FHIT: variants seen among roughly 807,000 people sequenced by gnomAD.
FHIT encodes bis(5'-adenosyl)-triphosphatase.
In FHIT, 19 loss-of-function variants were observed where a neutral mutation model predicts 17.9. That is an observed-to-expected ratio of 1.06 (90% confidence interval 0.74 to 1.56). The LOEUF (loss-of-function observed/expected upper bound fraction) is 1.56, where lower values mean the gene tolerates loss of function less well. Ranked by LOEUF, FHIT falls within the 40% of genes most tolerant of loss-of-function variation. The pLI is 0.00. For missense variants in FHIT, 248 were observed against 189.2 expected, an observed-to-expected ratio of 1.31 and a Z score of -1.82; for synonymous variants, 81 against 69.7, an observed-to-expected ratio of 1.16 and a Z score of -0.81.
intron 5 of FHIT, among the ~76,000 whole-genome samples, chr3:60,266,194 C>T (rs1220628963): frequency 6.6e-6 from 1 of 151,764 alleles, no homozygotes; most frequent in Non-Finnish European, 1.5e-5. Flanking sequence ...GTGGTACACG[C>T]ATACAATGGA....
chr3:60,660,727 C>CTTTTTTTTTTTTTTTT (rs1220817643), intron 4 of FHIT, among the ~76,000 whole-genome samples: 17 of 16,748 alleles, frequency 1.0e-3, no homozygotes, highest in African/African-American at 1.2e-3. Context: ...TTTTATTGTG[C>CTTTTTTTTTTTTTTTT]TCTTTTTTTT....
At chr3:59,879,673 TAA>T (rs1374464117) in intron 8 of FHIT, among the ~76,000 whole-genome samples, 1 of 151,802 alleles carries the variant, frequency 6.6e-6, no homozygotes, top group Non-Finnish European at 1.5e-5. Context: ...AAATGAAAAA[TAA>T]AGTTAATAAC....
intron 4 of FHIT, among the ~76,000 whole-genome samples, chr3:60,623,110 C>T (rs1559591499): frequency 6.6e-6 from 1 of 152,160 alleles, no homozygotes; most frequent in Admixed American, 6.5e-5. Flanking sequence ...GTGCCTAGTG[C>T]GGGACCTGGC....
At chr3:59,865,041 G>A (rs150684464) in intron 8 of FHIT, among the ~76,000 whole-genome samples, 70 of 152,078 alleles carry the variant, frequency 4.6e-4, no homozygotes, top group African/African-American at 1.7e-3. Context: ...GCCCATTTCT[G>A]ACTCCTCCAC....
At chr3:60,754,342 G>A (rs535787650) in intron 4 of FHIT, among the ~76,000 whole-genome samples, 24 of 152,174 alleles carry the variant, frequency 1.6e-4, no homozygotes, top group Non-Finnish European at 2.8e-4. Context: ...CATCTTAAGC[G>A]TGATATCAAC....
intron 3 of FHIT, among the ~76,000 whole-genome samples, chr3:60,916,117 A>T (rs1376085543): frequency 2.0e-5 from 3 of 152,230 alleles, no homozygotes; most frequent in African/African-American, 7.2e-5. Context: ...TACAAAGATT[A>T]TAAAGTATAG....
chr3:61,090,552 T>C lies in FHIT; in HGVS notation c.-163-48453A>G, dbSNP rs116258415. On this transcript the variant is annotated intron_variant, in intron 2 of 9. Transcript: ENST00000492590. ...TTATCCAAATTCACCACGGAGTCAA[T>C]GGGCCAAATTCCAAATGCCATGGGC... 4.5e-3 allele frequency among the ~76,000 whole-genome samples: 688 copies of C among 152,286 alleles called. 6 individuals carry two copies. Among genetic ancestry groups the C allele is most frequent in the African/African-American group, 0.016 (658 of 41,556 alleles).
At chr3:60,115,233 G>A (rs1348850897) in intron 5 of FHIT, among the ~76,000 whole-genome samples, 1 of 152,038 alleles carries the variant, frequency 6.6e-6, no homozygotes, top group Non-Finnish European at 1.5e-5. Flanking sequence ...AAAATGAAGT[G>A]AAAGAATAGG....
At chr3:60,124,218 T>G (rs773291197) in intron 5 of FHIT, among the ~76,000 whole-genome samples, 53 of 151,022 alleles carry the variant, frequency 3.5e-4, no homozygotes, top group Non-Finnish European at 1.5e-5. Flanking sequence ...GCACCTGGCC[T>G]ACATTTTTTT....
intron 5 of FHIT, among the ~76,000 whole-genome samples, chr3:60,312,580 G>T (rs1435194625): frequency 6.6e-6 from 1 of 152,166 alleles, no homozygotes; most frequent in Non-Finnish European, 1.5e-5. Context: ...AGGTTGAAAT[G>T]CAGCTTCTGA....
intron 3 of FHIT, among the ~76,000 whole-genome samples, chr3:60,946,992 C>G (rs1003661550): frequency 2.0e-5 from 3 of 152,296 alleles, no homozygotes; most frequent in South Asian, 2.1e-4. Context: ...TGTAAACAGT[C>G]AGATGTGGCT....
chr3:60,172,566 G>A (rs998240620), intron 5 of FHIT, among the ~76,000 whole-genome samples: 3 of 151,930 alleles, frequency 2.0e-5, no homozygotes, highest in Non-Finnish European at 4.4e-5. Context: ...GTGAGCCACT[G>A]CACCAGGACT....
intron 5 of FHIT, among the ~76,000 whole-genome samples, chr3:60,281,788 T>A (rs1484953222): frequency 6.6e-6 from 1 of 152,084 alleles, no homozygotes; most frequent in Non-Finnish European, 1.5e-5. Flanking sequence ...TTTATAGATA[T>A]AACAACAAAA....
At chr3:61,022,293 G>C (rs1227398028) in intron 3 of FHIT, among the ~76,000 whole-genome samples, 1 of 152,182 alleles carries the variant, frequency 6.6e-6, no homozygotes, top group Non-Finnish European at 1.5e-5. Flanking sequence ...GACTAAACCA[G>C]GAAGAAGTCG....
At chr3:60,462,028 G>A (rs2032505825) in intron 5 of FHIT, among the ~76,000 whole-genome samples, 1 of 152,174 alleles carries the variant, frequency 6.6e-6, no homozygotes, top group Admixed American at 6.5e-5. Context: ...GCCTGACTCA[G>A]TGCTGGTACA....
intron 3 of FHIT, among the ~76,000 whole-genome samples, chr3:60,981,153 T>C (rs569819935): frequency 1.3e-5 from 2 of 152,318 alleles, no homozygotes; most frequent in Admixed American, 1.3e-4. Flanking sequence ...TGCTGGGATG[T>C]TCCATGCAGA....
intron 4 of FHIT, among the ~76,000 whole-genome samples, chr3:60,773,033 T>C (rs541943472): frequency 6.6e-6 from 1 of 152,158 alleles, no homozygotes; most frequent in African/African-American, 2.4e-5. Flanking sequence ...ATTTGAATAA[T>C]AACTCCATCT....
chr3:59,844,752 G>A (rs1238173641), intron 8 of FHIT, among the ~76,000 whole-genome samples: 1 of 152,114 alleles, frequency 6.6e-6, no homozygotes, highest in East Asian at 1.9e-4. Flanking sequence ...TTGTAGCAAT[G>A]TTTATAAGGG....
intron 5 of FHIT, among the ~76,000 whole-genome samples, chr3:60,402,306 C>T (rs549371679): frequency 2.8e-4 from 43 of 152,268 alleles, no homozygotes; most frequent in African/African-American, 9.9e-4. Flanking sequence ...TTCCAAAGAG[C>T]ACGTGGGTGG....
Sources: gnomAD v4.1 joint callset for allele counts (sites outside exome capture counted in the v4.1 genomes callset) on GRCh38, gnomAD v4.1.1 for gene constraint, MANE v1.5 for transcripts, NCBI Gene and HGNC (gene_info 2026-07-23, HGNC 2026-07-21) for gene names.